Variants in MBNL1 observed in about 807,000 individuals in gnomAD.
MBNL1 encodes the protein muscleblind-like protein 1.
A neutral mutation model predicts 42.2 loss-of-function variants in MBNL1; 8 were observed. That is an observed-to-expected ratio of 0.19 (90% CI 0.11 to 0.34). The LOEUF (loss-of-function observed/expected upper bound fraction) is 0.34, where lower values mean the gene tolerates loss of function less well. Among genes scored for constraint, MBNL1 ranks in the 10% least tolerant of loss-of-function variants. The pLI is 1.00. For missense variants in MBNL1, 309 were observed against 495.3 expected, an observed-to-expected ratio of 0.62 and a Z score of 3.57; for synonymous variants, 169 against 173.9, an observed-to-expected ratio of 0.97 and a Z score of 0.22.
chr3:152,412,329 T>A (rs1392874328), intron 2 of MBNL1, among the ~76,000 whole-genome samples: 1 of 152,210 alleles, frequency 6.6e-6, no homozygotes, highest in African/African-American at 2.4e-5. Flanking sequence ...AATTGTATTT[T>A]GTAGTGTTTT....
intron 2 of MBNL1, among the ~76,000 whole-genome samples, chr3:152,316,857 C>G (rs1358664813): frequency 6.6e-6 from 1 of 151,970 alleles, no homozygotes; most frequent in African/African-American, 2.4e-5. Context: ...CCTCTTCCTT[C>G]TTTTTCTTCT....
intron 2 of MBNL1, among the ~76,000 whole-genome samples, chr3:152,309,990 C>A (rs1008625031): frequency 8.5e-5 from 13 of 152,180 alleles, no homozygotes; most frequent in African/African-American, 2.9e-4. Context: ...CAGTAGAACA[C>A]AAATTTGCTC....
rs145169965 is a variant in MBNL1, at chr3:152,271,411, T to A, written c.-790+2319T>A. Among the ~76,000 whole-genome samples the A allele has an allele frequency of 2.2e-3, 340 of 152,334 alleles. 1 individual carries two copies. The highest frequency in any genetic ancestry group is 4.3e-3 in the Admixed American group (66 of 15,306). ...TTACTTTATTATATAAAATGCCTTA[T>A]CTTCATTATAAGAAAAAAATGCCCT... On this transcript the variant is annotated intron_variant, in intron 1 of 9. Coordinates refer to ENST00000324210, the MANE Select transcript of MBNL1 (RefSeq NM_021038.5).
At chr3:152,427,640 T>C (rs905880576) in intron 3 of MBNL1, among the ~76,000 whole-genome samples, 3 of 152,134 alleles carry the variant, frequency 2.0e-5, no homozygotes, top group African/African-American at 4.8e-5. Flanking sequence ...TCAAAATAGT[T>C]CAGTGAGACT....
chr3:152,328,177 G>T lies in MBNL1; in HGVS notation c.174+27810G>T, dbSNP rs533866854. 1.6e-4 allele frequency among the ~76,000 whole-genome samples: 25 copies of T among 151,964 alleles called. 1 individual carries two copies. In the East Asian group the frequency reaches 4.8e-3, roughly 29 times the overall value. On this transcript the variant is annotated intron_variant, in intron 2 of 9. Coordinates refer to ENST00000324210, the MANE Select transcript of MBNL1 (RefSeq NM_021038.5). The stretch of plus-strand genomic sequence containing the variant: ...GCCAAGATTTATTAAGGGTAATTTT[G>T]GATTTTAGAAAATGTACAGTTTCTA...
intron 1 of MBNL1, among the ~76,000 whole-genome samples, chr3:152,291,610 A>G (rs1368596035): frequency 1.3e-5 from 2 of 152,166 alleles, no homozygotes; most frequent in African/African-American, 4.8e-5. Context: ...TGGGCCAGGC[A>G]TTGTTTTGGT....
chr3:152,304,622 T>C (rs2062141993), intron 2 of MBNL1, among the ~76,000 whole-genome samples: 1 of 152,226 alleles, frequency 6.6e-6, no homozygotes, highest in Non-Finnish European at 1.5e-5. Flanking sequence ...CAGATTGACA[T>C]ATCACTTCCT....
At chr3:152,244,157 C>G (rs1486718990) in intron 1 of MBNL1, 1 of 152,152 alleles carries the variant, frequency 6.6e-6, no homozygotes, top group Non-Finnish European at 1.5e-5. Flanking sequence ...CACATATAAA[C>G]ATGCATATAC....
At chr3:152,333,345 T>A (rs967440861) in intron 2 of MBNL1, among the ~76,000 whole-genome samples, 1 of 152,194 alleles carries the variant, frequency 6.6e-6, no homozygotes, top group Non-Finnish European at 1.5e-5. Flanking sequence ...TTAAGAGAAA[T>A]GGACACATAT....
chr3:152,389,407 C>T (rs775101345), intron 2 of MBNL1, among the ~76,000 whole-genome samples: 1 of 152,106 alleles, frequency 6.6e-6, no homozygotes, highest in Non-Finnish European at 1.5e-5. Context: ...GGCCCCGTAT[C>T]TCTTAACGAT....
At position 152,459,267 on chromosome 3, in the gene MBNL1, C is replaced by A; in HGVS notation, c.1093-4C>A. 1.9e-6 allele frequency: 3 copies of A among 1,553,660 alleles called. No individual in the cohort carries two copies. The highest frequency in any genetic ancestry group is 4.6e-5 in the East Asian group (2 of 43,490). ...CATTCATTAAATAATTTTTTATTTG[C>A]TAGATACCCATAATATCTGCCGAAC... On this transcript the variant is annotated splice_polypyrimidine_tract_variant and splice_region_variant and intron_variant, in intron 8 of 9. Coordinates refer to ENST00000324210, the MANE Select transcript of MBNL1 (RefSeq NM_021038.5).
intron 9 of MBNL1, among the ~76,000 whole-genome samples, chr3:152,459,570 T>C (rs901423933): frequency 6.6e-6 from 1 of 152,220 alleles, no homozygotes. Flanking sequence ...TTTAAATTTC[T>C]GATTAGAGAT....
At chr3:152,429,380 T>C (rs2098976679) in intron 3 of MBNL1, among the ~76,000 whole-genome samples, 2 of 152,250 alleles carry the variant, frequency 1.3e-5, no homozygotes, top group Non-Finnish European at 2.9e-5. Flanking sequence ...TTTGTTTTTC[T>C]CTGATGAGGA....
chr3:152,430,199 G>A (rs1013634280), intron 3 of MBNL1, among the ~76,000 whole-genome samples: 1 of 152,128 alleles, frequency 6.6e-6, no homozygotes, highest in Non-Finnish European at 1.5e-5. Context: ...TTTATTTGAC[G>A]AGATTTAGAG....
At chr3:152,371,322 G>A (rs904661325) in intron 2 of MBNL1, among the ~76,000 whole-genome samples, 5 of 152,176 alleles carry the variant, frequency 3.3e-5, no homozygotes, top group Non-Finnish European at 7.3e-5. Context: ...GTTGTGCCAG[G>A]CACCGTGGCT....
intron 2 of MBNL1, among the ~76,000 whole-genome samples, chr3:152,352,503 AAAACAC>A (rs1300729394): frequency 6.6e-6 from 1 of 152,156 alleles, no homozygotes; most frequent in African/African-American, 2.4e-5. Flanking sequence ...TGGAGTTTTT[AAAACAC>A]ATCGCCCTGT....
chr3:152,325,077 C>G (rs1265257914), intron 2 of MBNL1, among the ~76,000 whole-genome samples: 1 of 86,710 alleles, frequency 1.2e-5, no homozygotes, highest in African/African-American at 4.1e-5. Context: ...CCATGTAATG[C>G]CACATACCCG....
chr3:152,433,766 A>AT (rs1322252922), intron 4 of MBNL1, among the ~76,000 whole-genome samples: 5 of 151,890 alleles, frequency 3.3e-5, no homozygotes, highest in Non-Finnish European at 7.4e-5. Context: ...AAAAAAAAAA[A>AT]AGTTTTTTGC....
At chr3:152,243,936 A>G in exon 1 of MBNL1, 1 of 152,132 alleles carries the variant, frequency 6.6e-6, no homozygotes, top group Non-Finnish European at 1.5e-5. Flanking sequence ...CTCCTGAGTA[A>G]GTGGGATTCA....
Sources: allele counts gnomAD v4.1 joint callset (sites outside exome capture counted in the v4.1 genomes callset), GRCh38; gene constraint gnomAD v4.1.1; transcripts MANE v1.5; gene names NCBI Gene and HGNC (gene_info 2026-07-23, HGNC 2026-07-21).